The following TANC2 variants were observed in gnomAD, a reference collection of about 807,000 sequenced individuals.
The protein encoded by TANC2 is tetratricopeptide repeat, ankyrin repeat and coiled-coil containing 2.
Under a neutral mutation model 210.5 loss-of-function variants are expected in TANC2, and 26 were observed. The ratio of observed to expected loss-of-function variants is 0.12; its 90% CI spans 0.09 to 0.17. The LOEUF (loss-of-function observed/expected upper bound fraction) is 0.17. TANC2 is among the 10% of genes least tolerant of loss of function. The pLI, the probability that TANC2 is intolerant of heterozygous loss-of-function variation, is 1.00. For missense variants in TANC2, 2,129 were observed against 2,608.9 expected (o/e 0.82, Z 4.01); for synonymous variants, 931 against 967.1 (o/e 0.96, Z 0.69).
chr17:63,209,236 C>T (rs1274164870), intron 7 of TANC2, among the ~76,000 whole-genome samples: 1 of 151,840 alleles, frequency 6.6e-6, no homozygotes, highest in African/African-American at 2.4e-5. Flanking sequence ...TGGTCTTGAA[C>T]TCCTGGGCTC....
intron 18 of TANC2, chr17:63,396,218 G>T: frequency 3.0e-6 from 1 of 338,172 alleles, no homozygotes; most frequent in South Asian, 3.8e-5. Flanking sequence ...GGCTCAAAGA[G>T]ATGAATTATT....
intron 9 of TANC2, among the ~76,000 whole-genome samples, chr17:63,296,112 A>C (rs2044528574): frequency 6.6e-6 from 1 of 152,202 alleles, no homozygotes; most frequent in Non-Finnish European, 1.5e-5. Context: ...GGCATCACAG[A>C]AAAGCAGAGT....
chr17:63,161,433 T>A (rs1052878344), intron 5 of TANC2, among the ~76,000 whole-genome samples: 4 of 152,168 alleles, frequency 2.6e-5, no homozygotes, highest in Non-Finnish European at 5.9e-5. Flanking sequence ...GCAGTCACTT[T>A]CTTCCCTCTG....
At chr17:63,086,603 T>C in intron 3 of TANC2, among the ~76,000 whole-genome samples, 1 of 152,184 alleles carries the variant, frequency 6.6e-6, no homozygotes, top group African/African-American at 2.4e-5. Context: ...CTTTTTTTCA[T>C]GAAAGCCCAT....
At chr17:63,183,549 G>T (rs1237745480) in intron 5 of TANC2, among the ~76,000 whole-genome samples, 2 of 152,106 alleles carry the variant, frequency 1.3e-5, no homozygotes, top group Non-Finnish European at 2.9e-5. Context: ...AAATTTACCT[G>T]CTGCGTATAA....
At chr17:63,317,311 C>T (rs1459381714) in intron 10 of TANC2, among the ~76,000 whole-genome samples, 4 of 147,774 alleles carry the variant, frequency 2.7e-5, no homozygotes, top group South Asian at 4.5e-4. Flanking sequence ...CCCCCCAGCC[C>T]GCCCCCCTCC....
At chr17:63,265,704 T>A (rs1311469298) in intron 8 of TANC2, among the ~76,000 whole-genome samples, 1 of 152,122 alleles carries the variant, frequency 6.6e-6, no homozygotes, top group East Asian at 1.9e-4. Flanking sequence ...CCATAGGGAT[T>A]CTTAGCAAAG....
At chr17:63,228,473 A>C (rs2042385181) in intron 7 of TANC2, among the ~76,000 whole-genome samples, 1 of 152,178 alleles carries the variant, frequency 6.6e-6, no homozygotes, top group Middle Eastern at 3.2e-3. Context: ...GAAGAATGTC[A>C]GTGATAGTTT....
intron 4 of TANC2, among the ~76,000 whole-genome samples, chr17:63,109,620 GATA>G (rs2037957518): frequency 6.6e-6 from 1 of 151,676 alleles, no homozygotes; most frequent in South Asian, 2.1e-4. Flanking sequence ...AGTAATTAAA[GATA>G]ATATTTTTTG....
At chr17:63,099,045 A>G (rs1422261645) in intron 3 of TANC2, 130 bp from the exon 4 acceptor site, 3 of 879,874 alleles carry the variant, frequency 3.4e-6, no homozygotes, top group Non-Finnish European at 5.5e-6. Flanking sequence ...AAATGAATGC[A>G]TGTAGTGAAA....
intron 11 of TANC2, among the ~76,000 whole-genome samples, chr17:63,331,241 A>G (rs1306677292): frequency 6.6e-6 from 1 of 152,220 alleles, no homozygotes; most frequent in African/African-American, 2.4e-5. Flanking sequence ...ATTATTTGCA[A>G]CTTTTTGATA....
chr17:63,053,630 C>G (rs1437633533), intron 2 of TANC2, among the ~76,000 whole-genome samples: 1 of 152,164 alleles, frequency 6.6e-6, no homozygotes, highest in Non-Finnish European at 1.5e-5. Context: ...GATTTATTTA[C>G]TAATGATTTG....
At chr17:63,364,152 A>G (rs1028905621) in intron 14 of TANC2, among the ~76,000 whole-genome samples, 1 of 152,250 alleles carries the variant, frequency 6.6e-6, no homozygotes, top group African/African-American at 2.4e-5. Flanking sequence ...GTTTTGTGAT[A>G]TGACAAACGG....
intron 5 of TANC2, among the ~76,000 whole-genome samples, chr17:63,168,377 T>C (rs1305730351): frequency 6.6e-6 from 1 of 152,170 alleles, no homozygotes; most frequent in Non-Finnish European, 1.5e-5. Flanking sequence ...TAATAATGAC[T>C]CGTGCCATTG....
At chr17:63,190,772 G>T (rs2041158691) in intron 5 of TANC2, among the ~76,000 whole-genome samples, 1 of 152,166 alleles carries the variant, frequency 6.6e-6, no homozygotes, top group Admixed American at 6.5e-5. Context: ...CAATATGGAT[G>T]AAACTCATTC....
chr17:63,243,346 A>G (rs1356435709), intron 8 of TANC2, among the ~76,000 whole-genome samples: 1 of 152,204 alleles, frequency 6.6e-6, no homozygotes, highest in African/African-American at 2.4e-5. Flanking sequence ...AAACCTCACA[A>G]TTCCATTTCT....
At chr17:62,996,145 T>C (rs1291856445) in intron 1 of TANC2, among the ~76,000 whole-genome samples, 1 of 152,216 alleles carries the variant, frequency 6.6e-6, no homozygotes, top group East Asian at 1.9e-4. Context: ...AAACAGAGTT[T>C]TTACGTTTTC....
At chr17:63,081,085 G>A (rs1326474853) in intron 3 of TANC2, among the ~76,000 whole-genome samples, 1 of 152,048 alleles carries the variant, frequency 6.6e-6, no homozygotes, top group African/African-American at 2.4e-5. Flanking sequence ...ATAATATTTG[G>A]AAGATCTGAG....
At chr17:63,077,122 A>C (rs1370922317) in intron 3 of TANC2, among the ~76,000 whole-genome samples, 1 of 152,168 alleles carries the variant, frequency 6.6e-6, no homozygotes, top group Non-Finnish European at 1.5e-5. Context: ...ACTGGAGCCA[A>C]ACAGATCGTT....
Sources: allele counts gnomAD v4.1 joint callset (sites outside exome capture counted in the v4.1 genomes callset), GRCh38; gene constraint gnomAD v4.1.1; transcripts MANE v1.5; gene names NCBI Gene and HGNC (gene_info 2026-07-23, HGNC 2026-07-21).